ZFHX4: variants seen among roughly 807,000 people sequenced by gnomAD.
ZFHX4 encodes zinc finger homeobox protein 4.
Under a neutral mutation model 267.6 loss-of-function variants are expected in ZFHX4, and 56 were observed. That is an observed-to-expected ratio of 0.21 (90% CI 0.17 to 0.26). The LOEUF (loss-of-function observed/expected upper bound fraction) is 0.26. Ranked by LOEUF, ZFHX4 falls within the 10% of genes least tolerant of loss-of-function variation. The pLI is 1.00. For missense variants in ZFHX4, 4,332 were observed against 4,420.0 expected (o/e 0.98, Z 0.56); for synonymous variants, 1,778 against 1,665.6 (o/e 1.07, Z -1.64).
chr8:76,809,530 A>G (rs957459155), intron 4 of ZFHX4, among the ~76,000 whole-genome samples: 4 of 152,220 alleles, frequency 2.6e-5, no homozygotes, highest in African/African-American at 9.6e-5. Context: ...CTTTCCTCAT[A>G]TCAGCAAATA....
chr8:76,806,542 C>T (rs115371398), intron 4 of ZFHX4, among the ~76,000 whole-genome samples: 3,003 of 152,152 alleles, frequency 0.02, 92 homozygotes, highest in African/African-American at 0.059. Flanking sequence ...AGAGCCAATA[C>T]ATTAGTTAGG....
chr8:76,792,924 C>T (rs1328975358), intron 4 of ZFHX4, among the ~76,000 whole-genome samples: 1 of 152,124 alleles, frequency 6.6e-6, no homozygotes, highest in Non-Finnish European at 1.5e-5. Context: ...TTGAGTTGAG[C>T]ACTGTTTAGG....
At chr8:76,752,510 G>GA (rs1426141491) in intron 3 of ZFHX4, among the ~76,000 whole-genome samples, 2 of 106,214 alleles carry the variant, frequency 1.9e-5, no homozygotes, top group African/African-American at 7.7e-5. Context: ...AAAAAAAAAA[G>GA]AAAAAAGAAC....
chr8:76,848,205 C>A (rs1211288785), intron 6 of ZFHX4, among the ~76,000 whole-genome samples: 1 of 152,056 alleles, frequency 6.6e-6, no homozygotes, highest in African/African-American at 2.4e-5. Context: ...TAATATCTAG[C>A]CTTGCAGAGG....
chr8:76,735,511 C>T (rs1809135571), intron 3 of ZFHX4, among the ~76,000 whole-genome samples: 1 of 152,070 alleles, frequency 6.6e-6, no homozygotes, highest in Non-Finnish European at 1.5e-5. Context: ...GCATCCACAA[C>T]TTCTTATATC....
At chr8:76,818,650 G>A (rs1339857327) in intron 4 of ZFHX4, among the ~76,000 whole-genome samples, 3 of 152,100 alleles carry the variant, frequency 2.0e-5, no homozygotes, top group Admixed American at 6.5e-5. Flanking sequence ...GGTGGCTCAC[G>A]CCTATAATGC....
intron 4 of ZFHX4, among the ~76,000 whole-genome samples, chr8:76,809,395 A>C (rs1266398950): frequency 6.6e-6 from 1 of 152,236 alleles, no homozygotes; most frequent in Non-Finnish European, 1.5e-5. Flanking sequence ...TAAGCATAAC[A>C]GCACATAGCC....
At chr8:76,769,551 A>G (rs1047377318) in intron 3 of ZFHX4, among the ~76,000 whole-genome samples, 1 of 152,080 alleles carries the variant, frequency 6.6e-6, no homozygotes, top group Non-Finnish European at 1.5e-5. Context: ...GGAGTTTGCC[A>G]TATTAGCCCA....
chr8:76,847,888 A>G (rs2131930462), intron 6 of ZFHX4, among the ~76,000 whole-genome samples: 1 of 152,252 alleles, frequency 6.6e-6, no homozygotes, highest in Middle Eastern at 3.4e-3. Flanking sequence ...CATGCACAGC[A>G]TACAATCAGA....
intron 4 of ZFHX4, 145 bp downstream of exon 4, chr8:76,778,584 C>T (rs1239008598): frequency 1.4e-6 from 1 of 694,258 alleles, no homozygotes; most frequent in African/African-American, 1.8e-5. Context: ...CTCTTAATCT[C>T]TCAGAAATGA....
At chr8:76,827,756 G>C (rs185331486) in intron 4 of ZFHX4, among the ~76,000 whole-genome samples, 1 of 152,212 alleles carries the variant, frequency 6.6e-6, no homozygotes, top group African/African-American at 2.4e-5. Flanking sequence ...ACAAATTCCT[G>C]GCTGAGGAGG....
chr8:76,830,497 T>C (rs1811905500), intron 4 of ZFHX4, among the ~76,000 whole-genome samples: 1 of 152,254 alleles, frequency 6.6e-6, no homozygotes, highest in African/African-American at 2.4e-5. Flanking sequence ...TATGTATCAT[T>C]ACTAGGTTTT....
At chr8:76,773,622 C>T (rs1356778982) in intron 3 of ZFHX4, among the ~76,000 whole-genome samples, 1 of 152,042 alleles carries the variant, frequency 6.6e-6, no homozygotes, top group Non-Finnish European at 1.5e-5. Flanking sequence ...CCTTCAAATT[C>T]CCTAATTGTT....
In ZFHX4 at chr8:76,704,898, C is replaced by T. The variant is rs369214100; in HGVS notation, c.810C>T (p.Ser270=). ...TGTCCAAATTCGATGGTTGTGTTAG[C>T]GATGGGAAAAGGAAACCTGTTTTAA... ...VDLSKFDGCV[S]DGKRKPVLMC... Residue 270 remains serine, a synonymous_variant, in exon 2 of 11, where the codon AGC becomes AGT. Transcript: ENST00000651372. 6.6e-5 allele frequency: 107 copies of T among 1,614,128 alleles called. No homozygotes were observed. Among genetic ancestry groups the T allele is most frequent in the African/African-American group, 6.1e-4 (46 of 75,050 alleles).
chr8:76,856,321 T>A (rs1812727204), intron 10 of ZFHX4, 21 bp downstream of exon 10: 1 of 1,611,978 alleles, frequency 6.2e-7, no homozygotes, highest in Admixed American at 1.7e-5. Context: ...TAAAGGAGAC[T>A]CAGTCTAGTT....
rs1810844863 is a variant in ZFHX4, at chr8:76,791,803, C to A, written c.3325+13364C>A. On this transcript the variant is annotated intron_variant, in intron 4 of 10. Transcript: ENST00000651372. Reference sequence around the variant, plus strand: ...AAATTCTATGGTTAGTAATTTTTCACATGAATATTGAAAATGTGTAAGATT... The same window carrying A: ...AAATTCTATGGTTAGTAATTTTTCAAATGAATATTGAAAATGTGTAAGATT... 7.2e-5 allele frequency among the ~76,000 whole-genome samples: 11 copies of A among 152,124 alleles called. No individual in the cohort carries two copies. The South Asian group carries it at 2.3e-3, about 32-fold the overall frequency.
chr8:76,842,179 ATTCCTTT>A (rs1812251622), intron 5 of ZFHX4, among the ~76,000 whole-genome samples: 1 of 152,148 alleles, frequency 6.6e-6, no homozygotes, highest in Non-Finnish European at 1.5e-5. Context: ...ATGCCAAAGA[ATTCCTTT>A]GGGGTCTGGG....
At position 76,855,572 on chromosome 8, in the gene ZFHX4, A is replaced by G; in HGVS notation, c.8651A>G (p.Gln2884Arg). The part of the protein sequence containing the change: ...HFNDKDGDHD[Q>R]SFYITDDPDD... ...AATGACAAAGATGGCGACCACGACC[A>G]AAGCTTTTACATCACAGATGACCCG... The change falls in exon 10 of 11, where the codon CAA becomes CGA. Residue 2884 changes from glutamine to arginine, a missense_variant. By Grantham distance (43) the Gln-to-Arg change is conservative. Coordinates refer to ENST00000651372, the MANE Select transcript of ZFHX4 (RefSeq NM_024721.5). 1.2e-6 allele frequency: 2 copies of G among 1,613,916 alleles called. No homozygotes were observed. Among genetic ancestry groups the G allele is most frequent in the Non-Finnish European group, 1.7e-6 (2 of 1,179,874 alleles).
intron 4 of ZFHX4, among the ~76,000 whole-genome samples, chr8:76,811,175 T>A (rs529347700): frequency 6.6e-6 from 1 of 152,286 alleles, no homozygotes; most frequent in East Asian, 1.9e-4. Context: ...AGCTAAAAGA[T>A]CCACCCATTT....
Sources: allele counts gnomAD v4.1 joint callset (sites outside exome capture counted in the v4.1 genomes callset), GRCh38; gene constraint gnomAD v4.1.1; transcripts MANE v1.5; gene names NCBI Gene and HGNC (gene_info 2026-07-23, HGNC 2026-07-21).